DNAH11: variants seen among roughly 807,000 people sequenced by gnomAD.
DNAH11 encodes dynein axonemal heavy chain 11.
DNAH11 carries 442 observed loss-of-function variants against 526.0 expected under a neutral mutation model. The observed-to-expected ratio is 0.84, with a 90% confidence interval of 0.78 to 0.91. The LOEUF is 0.91. Ranked by LOEUF, DNAH11 falls within the 40% of genes least tolerant of loss-of-function variation. The pLI, the probability that DNAH11 is intolerant of heterozygous loss-of-function variation, is 0.00. For synonymous variants in DNAH11, 2,461 were observed against 1,935.9 expected (o/e 1.27, Z -7.12); for missense variants, 6,989 against 5,448.7 (o/e 1.28, Z -8.90).
At chr7:21,713,288 G>A (rs1784529916) in intron 42 of DNAH11, among the ~76,000 whole-genome samples, 1 of 152,142 alleles carries the variant, frequency 6.6e-6, no homozygotes, top group African/African-American at 2.4e-5. Flanking sequence ...TCTGTGGTCT[G>A]TATGGACCAC....
At chr7:21,608,884 G>A (rs997735898) in intron 20 of DNAH11, among the ~76,000 whole-genome samples, 1 of 152,130 alleles carries the variant, frequency 6.6e-6, no homozygotes, top group Non-Finnish European at 1.5e-5. Flanking sequence ...TAGTAGGGCT[G>A]GGTGAACTTT....
chr7:21,879,165 A>T (rs1299348638), intron 74 of DNAH11, among the ~76,000 whole-genome samples: 1 of 152,132 alleles, frequency 6.6e-6, no homozygotes, highest in Non-Finnish European at 1.5e-5. Flanking sequence ...AAAATCTCAC[A>T]GGTCTAGGCT....
intron 68 of DNAH11, among the ~76,000 whole-genome samples, chr7:21,860,377 CAG>C (rs1202264187): frequency 6.6e-6 from 1 of 151,790 alleles, no homozygotes; most frequent in African/African-American, 2.4e-5. Flanking sequence ...CTATGGAAAA[CAG>C]TGTAGCAATT....
rs1789802861 is a variant in DNAH11, at chr7:21,816,578, A to C, written c.10444A>C (p.Asn3482His). 1 of 1,613,482 alleles carries C rather than the reference A, an allele frequency of 6.2e-7. No individual in the cohort carries two copies. The highest frequency in any genetic ancestry group is 1.7e-5 in the Admixed American group (1 of 59,896). Residue 3482 changes from asparagine to histidine, a missense_variant, in exon 64 of 82, where the codon AAT becomes CAT. Transcript: ENST00000409508. ...GLPSDRMSTE[N>H]AAILTHCERW... is the part of the protein sequence containing the mutation. ...GCCCAGTGACAGAATGTCCACCGAA[A>C]ATGCCGCTATCCTAACACACTGTGA...
intron 29 of DNAH11, 62 bp from the exon 30 acceptor site, chr7:21,658,736 G>A (rs1782121568): frequency 7.2e-6 from 10 of 1,392,328 alleles, no homozygotes; most frequent in Admixed American, 4.7e-5. Context: ...GAGCCAGTAG[G>A]AGGATGAAAT....
At chr7:21,766,874 A>G (rs4722054) in intron 55 of DNAH11, among the ~76,000 whole-genome samples, 20,659 of 152,126 alleles carry the variant, frequency 0.14, 2,210 homozygotes, top group African/African-American at 0.29. Context: ...GTCAAGCAAC[A>G]TCTAACTTGG....
intron 28 of DNAH11, among the ~76,000 whole-genome samples, chr7:21,651,371 TA>T (rs1781765694): frequency 6.6e-6 from 1 of 152,258 alleles, no homozygotes; most frequent in African/African-American, 2.4e-5. Flanking sequence ...TTTATTTATT[TA>T]TTTTTTTTGA....
At chr7:21,846,230 C>T (rs997967479) in intron 66 of DNAH11, among the ~76,000 whole-genome samples, 14 of 151,962 alleles carry the variant, frequency 9.2e-5, no homozygotes, top group African/African-American at 3.4e-4. Flanking sequence ...ATTTCCTTTT[C>T]TTGTCTTAAG....
chr7:21,780,189 C>T (rs1787877378), intron 57 of DNAH11, among the ~76,000 whole-genome samples: 1 of 152,056 alleles, frequency 6.6e-6, no homozygotes. Context: ...GATCAGCGGG[C>T]ATGTAATTCC....
In DNAH11 at chr7:21,704,544, G is replaced by C. The variant is rs759181650; in HGVS notation, c.6384G>C (p.Arg2128=). 1.2e-6 allele frequency: 2 copies of C among 1,613,864 alleles called. No homozygotes were observed. Among genetic ancestry groups the C allele is most frequent in the Non-Finnish European group, 1.7e-6 (2 of 1,179,838 alleles). The change falls in exon 38 of 82, where the codon CGG becomes CGC. Residue 2128 remains arginine (R), a synonymous_variant. Coordinates refer to ENST00000409508, the MANE Select transcript of DNAH11 (RefSeq NM_001277115.2). ...GDLFPALDVP[R]RRKLHFEQMV... ...TGTTTCCAGCCCTGGATGTGCCCCGGAGGAGGAAGCTGCACTTTGAACAGA... is the reference window on the plus strand; with the variant it reads ...TGTTTCCAGCCCTGGATGTGCCCCGCAGGAGGAAGCTGCACTTTGAACAGA...
intron 26 of DNAH11, among the ~76,000 whole-genome samples, chr7:21,636,806 C>G (rs1448858059): frequency 6.6e-6 from 1 of 152,096 alleles, no homozygotes; most frequent in African/African-American, 2.4e-5. Context: ...CCATATTTGT[C>G]CCATGCACCA....
intron 62 of DNAH11, among the ~76,000 whole-genome samples, chr7:21,804,216 C>G (rs991317461): frequency 6.6e-6 from 1 of 152,200 alleles, no homozygotes; most frequent in East Asian, 1.9e-4. Context: ...TCACGCCATT[C>G]TCCTGCCTCA....
intron 9 of DNAH11, among the ~76,000 whole-genome samples, chr7:21,583,915 A>T (rs1206309962): frequency 2.0e-5 from 3 of 152,248 alleles, no homozygotes; most frequent in African/African-American, 7.2e-5. Context: ...GATCATTAAA[A>T]AGTCAGGAAA....
At chr7:21,706,104 G>A (rs1236688278) in intron 39 of DNAH11, among the ~76,000 whole-genome samples, 4 of 151,988 alleles carry the variant, frequency 2.6e-5, no homozygotes, top group African/African-American at 9.7e-5. Flanking sequence ...AAAAATAAAA[G>A]GAAGTGGCAA....
At chr7:21,685,237 T>G (rs966434648) in intron 32 of DNAH11, among the ~76,000 whole-genome samples, 6 of 152,184 alleles carry the variant, frequency 3.9e-5, no homozygotes, top group Non-Finnish European at 7.3e-5. Flanking sequence ...CACTTGAGAA[T>G]AGTCAAAACT....
In DNAH11 at chr7:21,591,145, C is replaced by T. The variant is rs370132942; in HGVS notation, c.2275-40C>T. The T allele has an allele frequency of 1.6e-5, 25 of 1,516,454 alleles. No individual in the cohort carries two copies. The African/African-American group carries it at 3.2e-4, about 20-fold the overall frequency. The allele number at this position is 1,516,454 out of a possible 1,614,324, so 93.9% of individuals were successfully genotyped here. A position where few individuals can be genotyped will look rare whatever the true frequency, so the allele number is the denominator to read the frequency against. ...CCTTTAAGACAGAGAAAATAGCTAA[C>T]ATATTTGGCACTTTTTGTTTTGGGG... On this transcript the variant is annotated intron_variant, in intron 13 of 81. Transcript: ENST00000409508.
intron 5 of DNAH11, among the ~76,000 whole-genome samples, 162 bp from the exon 6 acceptor site, chr7:21,564,024 T>C (rs1010998614): frequency 6.6e-6 from 1 of 152,128 alleles, no homozygotes; most frequent in Non-Finnish European, 1.5e-5. Flanking sequence ...GTCTTCCAAA[T>C]TGCTCGTGTG....
intron 41 of DNAH11, 44 bp downstream of exon 41, chr7:21,710,747 G>A (rs756349860): frequency 6.4e-7 from 1 of 1,558,246 alleles, no homozygotes. Context: ...AACATCCTGA[G>A]TGTATTAAGA....
intron 66 of DNAH11, chr7:21,851,711 G>C (rs1782646894): frequency 2.1e-6 from 1 of 468,264 alleles, no homozygotes; most frequent in Non-Finnish European, 4.4e-6. Context: ...AGCTCTACTT[G>C]CATGTCAGTG....
Sources: allele counts gnomAD v4.1 joint callset (sites outside exome capture counted in the v4.1 genomes callset), GRCh38; gene constraint gnomAD v4.1.1; transcripts MANE v1.5; gene names NCBI Gene and HGNC (gene_info 2026-07-23, HGNC 2026-07-21).